The following CASP5 variants were observed in gnomAD, a reference collection of about 807,000 sequenced individuals.
The protein encoded by CASP5 is caspase 5.
CASP5 carries 42 observed loss-of-function variants against 45.2 expected under a neutral mutation model. The observed-to-expected ratio is 0.93, with a 90% CI of 0.73 to 1.20. The LOEUF (loss-of-function observed/expected upper bound fraction) is 1.20. Among genes scored for constraint, CASP5 ranks in the 50% most tolerant of loss-of-function variants. The pLI is 0.00. For missense variants in CASP5, 512 were observed against 532.2 expected, an observed-to-expected ratio of 0.96 and a Z score of 0.37; for synonymous variants, 209 against 186.2, an observed-to-expected ratio of 1.12 and a Z score of -1.00.
Position 105,000,263 on chromosome 11 carries a change from C to T in CASP5, c.950G>A (p.Gly317Asp). 2 of 1,614,220 alleles carry T rather than the reference C, an allele frequency of 1.2e-6. No homozygotes were observed. The highest frequency in any genetic ancestry group is 1.7e-6 in the Non-Finnish European group (2 of 1,180,012). The change falls in exon 6 of 10, where the codon GGT becomes GAT. Residue 317 changes from glycine to aspartate, a missense_variant and splice_region_variant. Gly to Asp is a moderately conservative substitution (Grantham distance 94). Coordinates refer to ENST00000260315, the MANE Select transcript of CASP5 (RefSeq NM_004347.5). ...PKVIIVQACR[G>D]EKHGELWVRD... is the part of the protein sequence containing the mutation. ...AGATGTTCAGCCTCAGCACTCACCA[C>T]CTCTGCAGGCCTGGACAATGATGAC...
intron 1 of CASP5, among the ~76,000 whole-genome samples, chr11:105,020,991 C>A (rs543997537): frequency 1.0e-3 from 154 of 152,044 alleles, no homozygotes; most frequent in Admixed American, 8.5e-3. Context: ...ACAGAGCCCT[C>A]AGAAATAATG....
intron 1 of CASP5, among the ~76,000 whole-genome samples, chr11:105,019,143 T>C (rs1377368685): frequency 2.0e-5 from 3 of 148,420 alleles, no homozygotes; most frequent in East Asian, 2.0e-4. Context: ...ATCTCTGGGA[T>C]GCATTCAAAG....
chr11:105,011,975 T>C (rs1338133524), intron 1 of CASP5, among the ~76,000 whole-genome samples: 2 of 151,728 alleles, frequency 1.3e-5, no homozygotes, highest in African/African-American at 4.8e-5. Flanking sequence ...AAAATTCAAA[T>C]AGCCAAAGCA....
chr11:105,003,207 G>A, intron 4 of CASP5, 67 bp downstream of exon 4: 1 of 985,498 alleles, frequency 1.0e-6, no homozygotes, highest in East Asian at 2.4e-5. Flanking sequence ...TTTTAAAAAT[G>A]TGCATTGCAT....
intron 1 of CASP5, among the ~76,000 whole-genome samples, chr11:105,021,085 C>A (rs913555292): frequency 6.6e-6 from 1 of 151,916 alleles, no homozygotes; most frequent in African/African-American, 2.4e-5. Flanking sequence ...ATAAATGGTG[C>A]TGGGAAAACT....
chr11:105,017,320 A>G (rs899988289), intron 1 of CASP5, among the ~76,000 whole-genome samples: 5 of 152,244 alleles, frequency 3.3e-5, no homozygotes, highest in African/African-American at 4.8e-5. Flanking sequence ...TGACTTTGAC[A>G]AGCTGAGAGA....
At chr11:105,015,693 T>C (rs376196713) in intron 1 of CASP5, among the ~76,000 whole-genome samples, 86 of 151,982 alleles carry the variant, frequency 5.7e-4, no homozygotes, top group African/African-American at 1.9e-3. Flanking sequence ...GAGGCAGCCA[T>C]GGCTATGAAT....
At chr11:105,001,916 G>T in intron 5 of CASP5, 112 bp downstream of exon 5, 1 of 944,484 alleles carries the variant, frequency 1.1e-6, no homozygotes, top group Non-Finnish European at 1.6e-6. Context: ...ACACACACAC[G>T]CACACGAACC....
rs746884574 is a variant in CASP5 at position 104,995,728 on chromosome 11, C to G, written c.*4+12G>C. The G allele has an allele frequency of 6.4e-7, 1 of 1,561,162 alleles. No homozygotes were observed. The highest frequency in any genetic ancestry group is 1.7e-4 in the Middle Eastern group (1 of 5,928). On this transcript the variant is annotated intron_variant, in intron 9 of 9. Transcript: ENST00000260315. ...TCATTTATTTCACCCTCCAACAACTCTCAATACTTACATTTTCAATTGCCA... is the reference window on the plus strand; with the variant it reads ...TCATTTATTTCACCCTCCAACAACTGTCAATACTTACATTTTCAATTGCCA...
chr11:105,021,897 C>T (rs984026976), intron 1 of CASP5, among the ~76,000 whole-genome samples: 1 of 149,234 alleles, frequency 6.7e-6, no homozygotes, highest in Non-Finnish European at 1.5e-5. Flanking sequence ...ATAGCAAAGA[C>T]TTGGAACCAA....
Position 105,000,434 on chromosome 11 carries a change from G to C in CASP5, c.779C>G (p.Thr260Arg). 6.2e-7 allele frequency: 1 copy of C among 1,614,146 alleles called. No homozygotes were observed. The highest frequency in any genetic ancestry group is 8.5e-7 in the Non-Finnish European group (1 of 1,179,988). Residue 260 changes from threonine (T) to arginine (R), a missense_variant, in exon 6 of 10, where the codon ACG becomes AGG. Transcript: ENST00000260315. Reference protein sequence around the residue: ...ARPEHKSSDSTFLVLMSHGIL... With the variant: ...ARPEHKSSDSRFLVLMSHGIL... ...GCCATGAGACATGAGTACCAAGAAC[G>C]TGCTGTCAGAGGACTTGTGCTCTGG...
At chr11:105,006,535 T>C (rs1397459716) in intron 3 of CASP5, among the ~76,000 whole-genome samples, 1 of 152,210 alleles carries the variant, frequency 6.6e-6, no homozygotes, top group Non-Finnish European at 1.5e-5. Flanking sequence ...TGTATTCATT[T>C]TGTGATGCCA....
chr11:105,001,570 A>G (rs1336248758), intron 5 of CASP5, among the ~76,000 whole-genome samples: 1 of 152,160 alleles, frequency 6.6e-6, no homozygotes, highest in Non-Finnish European at 1.5e-5. Flanking sequence ...GTAGGGCAGG[A>G]GAATCGCTTG....
At chr11:105,005,950 T>C (rs1417233466) in intron 3 of CASP5, among the ~76,000 whole-genome samples, 2 of 151,742 alleles carry the variant, frequency 1.3e-5, no homozygotes, top group African/African-American at 4.9e-5. Context: ...GTGGTTTCTG[T>C]TGAGGGGAAA....
chr11:105,020,970 A>T (rs2134773099), intron 1 of CASP5, among the ~76,000 whole-genome samples: 1 of 152,236 alleles, frequency 6.6e-6, no homozygotes, highest in East Asian at 1.9e-4. Flanking sequence ...GATATAGATC[A>T]ATGGAACAGA....
At chr11:105,003,122 C>G (rs1282580786) in intron 4 of CASP5, 152 bp downstream of exon 4, 1 of 590,338 alleles carries the variant, frequency 1.7e-6, no homozygotes, top group East Asian at 3.3e-5. Flanking sequence ...ATCTCTTGAG[C>G]CCATGTGTTC....
intron 1 of CASP5, among the ~76,000 whole-genome samples, chr11:105,010,529 A>T (rs1454388089): frequency 6.6e-6 from 1 of 150,646 alleles, no homozygotes; most frequent in Non-Finnish European, 1.5e-5. Flanking sequence ...TTATTATATC[A>T]TATCAGTAAT....
chr11:105,005,623 A>G (rs1861965719), intron 3 of CASP5, among the ~76,000 whole-genome samples: 1 of 152,162 alleles, frequency 6.6e-6, no homozygotes, highest in Non-Finnish European at 1.5e-5. Flanking sequence ...GATAGAGTGC[A>G]GAGAGCCACT....
Position 105,021,336 on chromosome 11 carries a change from A to G in CASP5, c.7+1794T>C, listed in dbSNP as rs71484385. ...GATCTAATTAAACTAAAGAGCTTCT[A>G]CACAGCAAAAGAAACTACCGTCAGA... On this transcript the variant is annotated intron_variant, in intron 1 of 9. Coordinates refer to ENST00000260315, the MANE Select transcript of CASP5 (RefSeq NM_004347.5). Among the ~76,000 whole-genome samples the G allele has an allele frequency of 2.3e-3, 306 of 134,488 alleles. 3 individuals carry two copies. Among genetic ancestry groups the G allele is most frequent in the Middle Eastern group, 3.8e-3 (1 of 266 alleles). 88.2% of individuals were successfully genotyped at this position (134,488 alleles called of 152,430 possible).
Sources: gnomAD v4.1 joint callset for allele counts (sites outside exome capture counted in the v4.1 genomes callset) on GRCh38, gnomAD v4.1.1 for gene constraint, MANE v1.5 for transcripts, NCBI Gene and HGNC (gene_info 2026-07-23, HGNC 2026-07-21) for gene names.